The following AVP variants were observed in gnomAD, a reference collection of about 807,000 sequenced individuals.
The protein encoded by AVP is arginine vasopressin.
AVP carries 9 observed loss-of-function variants against 11.1 expected under a neutral mutation model. The ratio of observed to expected loss-of-function variants is 0.81; its 90% CI spans 0.49 to 1.42. AVP has a LOEUF of 1.42. AVP is among the 40% of genes most tolerant of loss of function. The probability of loss-of-function intolerance (pLI) is 0.00; values close to 1 mark genes in which losing one functional copy is unlikely to be tolerated. For synonymous variants in AVP, 106 were observed against 111.3 expected (o/e 0.95, Z 0.30); for missense variants, 206 against 238.5 (o/e 0.86, Z 0.90).
rs753305983 is a variant in AVP, at chr20:3,084,688, G to A, written c.-14C>T. On this transcript the variant is annotated 5_prime_UTR_variant, in exon 1 of 3. Coordinates refer to ENST00000380293, the MANE Select transcript of AVP (RefSeq NM_000490.5). Reference sequence around the variant, plus strand: ...GGTGTCAGGCATCCTGGTGCACACAGGTGGACCCCGTATGCAGCACTGCTT... The same window carrying A: ...GGTGTCAGGCATCCTGGTGCACACAAGTGGACCCCGTATGCAGCACTGCTT... 4 of 1,612,618 alleles carry A rather than the reference G, an allele frequency of 2.5e-6. No homozygotes were observed. The South Asian group carries it at 4.4e-5, about 18-fold the overall frequency.
At position 3,084,642 on chromosome 20, in the gene AVP, G is replaced by A. The variant is rs150640519; in HGVS notation, c.33C>T (p.Leu11=). 3.3e-5 allele frequency: 53 copies of A among 1,613,544 alleles called. No homozygotes were observed. Among genetic ancestry groups the A allele is most frequent in the African/African-American group, 2.5e-4 (19 of 74,948 alleles). The change falls in exon 1 of 3, where the codon CTC becomes CTT. Residue 11 remains leucine, a synonymous_variant. Transcript: ENST00000380293. MPDTMLPACF[L]GLLAFSSACY... ...ACGCGGAGGAGAAGGCCAGTAGGCC[G>A]AGGAAGCAGGCGGGCAGCATGGTGT...
At chr20:3,084,220 C>T (rs952509407) in intron 1 of AVP, among the ~76,000 whole-genome samples, 3 of 152,166 alleles carry the variant, frequency 2.0e-5, no homozygotes, top group East Asian at 1.9e-4. Context: ...GATGCAAGAA[C>T]GCCATGGGCA....
In AVP at chr20:3,084,587, TG is replaced by T; in HGVS notation, c.87del (p.Lys30ArgfsTer9). The T allele has an allele frequency of 6.2e-7, 1 of 1,613,942 alleles. No individual in the cohort carries two copies. Among genetic ancestry groups the T allele is most frequent in the Non-Finnish European group, 8.5e-7 (1 of 1,180,036 alleles). ...ACYFQNCPRG[G>X]KRAMSDLELR... ...AGCTCCAGGTCGGACATGGCCCTCT[TG>T]CCGCCCCTCGGGCAGTTCTGGAAGT... On this transcript the variant is annotated frameshift_variant, in exon 1 of 3. Transcript: ENST00000380293. LOFTEE classifies it high-confidence loss of function.
chr20:3,083,011 G>GC lies in AVP; in HGVS notation c.287dup (p.Arg97ProfsTer89). 1.3e-6 allele frequency: 2 copies of GC among 1,538,470 alleles called. No homozygotes were observed. Among genetic ancestry groups the GC allele is most frequent in the Admixed American group, 1.9e-5 (1 of 52,878 alleles). Reference sequence around the variant, plus strand: ...AGCAAACGCCGAAGGCGGCGCAGCGGCCCCCGCTCCCGCACGCCTTCTGGC... The same window carrying GC: ...AGCAAACGCCGAAGGCGGCGCAGCGGCCCCCCGCTCCCGCACGCCTTCTGGC... On this transcript the variant is annotated frameshift_variant, in exon 2 of 3. Coordinates refer to ENST00000380293, the MANE Select transcript of AVP (RefSeq NM_000490.5). LOFTEE classifies it low-confidence loss of function (END_TRUNC). This position sits in a 1 kb window ranked among gnomAD's most constrained non-coding sequence, Gnocchi z 5.4.
rs1196684809 is a variant in AVP at position 3,083,577 on chromosome 20, C to CGG, written c.121-401_121-400dup. Among the ~76,000 whole-genome samples, 1 of 152,124 alleles carries CGG rather than the reference C, an allele frequency of 6.6e-6. No individual in the cohort carries two copies. Among genetic ancestry groups the CGG allele is most frequent in the African/African-American group, 2.4e-5 (1 of 41,430 alleles). ...TCCTCGCCCTGCTGCGGCTTGAGCCCGGGCCCACCCCCTTCCCCACTACAC... is the reference window on the plus strand; with the variant it reads ...TCCTCGCCCTGCTGCGGCTTGAGCCCGGGGGCCCACCCCCTTCCCCACTACAC... On this transcript the variant is annotated intron_variant, in intron 1 of 2. Coordinates refer to ENST00000380293, the MANE Select transcript of AVP (RefSeq NM_000490.5). The surrounding 1 kb of genome is among the most constrained non-coding windows in gnomAD (Gnocchi z 5.4).
chr20:3,083,000 G>T lies in AVP; in HGVS notation c.299C>A (p.Ala100Asp). The change falls in exon 2 of 3, where the codon GCC (alanine) becomes GAC (aspartate). Residue 100 changes from alanine (A) to aspartate (D), a missense_variant. Around this residue, in one of 2 missense-constraint regions of AVP, gnomAD observed 100 missense variants for 149.3 expected, o/e 0.67. Transcript: ENST00000380293. The surrounding 1 kb of genome is among the most constrained non-coding windows in gnomAD (Gnocchi z 4.7). ...KACGSGGRCA[A>D]FGVCCNDESC... is the part of the protein sequence containing the mutation. ...ACCGTCGTTGCAGCAAACGCCGAAG[G>T]CGGCGCAGCGGCCCCCGCTCCCGCA... The T allele has an allele frequency of 6.5e-7, 1 of 1,527,260 alleles. No homozygotes were observed. The highest frequency in any genetic ancestry group is 8.7e-7 in the Non-Finnish European group (1 of 1,147,478). 94.6% of individuals were successfully genotyped at this position (1,527,260 alleles called of 1,614,324 possible). A position where few individuals can be genotyped will look rare whatever the true frequency, so the allele number is the denominator to read the frequency against.
Position 3,084,455 on chromosome 20 carries a change from G to C in AVP, c.120+100C>G, listed in dbSNP as rs2066127292. 2.5e-6 allele frequency: 4 copies of C among 1,592,752 alleles called. 1 individual carries two copies. The highest frequency in any genetic ancestry group is 3.4e-6 in the Non-Finnish European group (4 of 1,172,270). ...CTTCCTCCCCCGAACTTCCCCTAAAGGCTACCACCACCCATGACTTCCCTC... is the reference window on the plus strand; with the variant it reads ...CTTCCTCCCCCGAACTTCCCCTAAACGCTACCACCACCCATGACTTCCCTC... On this transcript the variant is annotated intron_variant, in intron 1 of 2. Coordinates refer to ENST00000380293, the MANE Select transcript of AVP (RefSeq NM_000490.5).
At position 3,084,706 on chromosome 20, in the gene AVP, C is replaced by A. The variant is rs746918406; in HGVS notation, c.-32G>T. ...GCACACAGGTGGACCCCGTATGCAG[C>A]ACTGCTTGGTGGCTCTGTGCTGCTG... On this transcript the variant is annotated 5_prime_UTR_variant, in exon 1 of 3. Transcript: ENST00000380293. 7.4e-6 allele frequency: 12 copies of A among 1,611,478 alleles called. No homozygotes were observed. In the Admixed American group the frequency reaches 2.0e-4, roughly 27 times the overall value.
intron 1 of AVP, among the ~76,000 whole-genome samples, chr20:3,084,221 G>A (rs1437305977): frequency 1.3e-5 from 2 of 152,130 alleles, no homozygotes; most frequent in African/African-American, 4.8e-5. Context: ...ATGCAAGAAC[G>A]CCATGGGCAC....
chr20:3,084,662 T>C lies in AVP; in HGVS notation c.13A>G (p.Met5Val), dbSNP rs763231365. Residue 5 changes from methionine to valine, a missense_variant, in exon 1 of 3, where the codon ATG becomes GTG. Met to Val is a conservative substitution (Grantham distance 21). This residue lies in a region of AVP where 100 missense variants were observed against 149.3 expected (regional missense o/e 0.67). Transcript: ENST00000380293. MPDT[M>V]LPACFLGLLA... ...AGGCCGAGGAAGCAGGCGGGCAGCA[T>C]GGTGTCAGGCATCCTGGTGCACACA... The C allele has an allele frequency of 4.3e-6, 7 of 1,613,288 alleles. No individual in the cohort carries two copies. Among genetic ancestry groups the C allele is most frequent in the Non-Finnish European group, 5.9e-6 (7 of 1,180,020 alleles).
rs769476067 is a variant in AVP at position 3,083,120 on chromosome 20, G to A, written c.179C>T (p.Ala60Val). ...GCCCACGAAGCAGCCCAGCTCGTCC[G>A]CGCAGCAGATGCTGGGCCCGAAGCA... is the stretch of plus-strand genomic sequence containing the variant. ...GRCFGPSICC[A>V]DELGCFVGTA... Residue 60 changes from alanine to valine, a missense_variant, in exon 2 of 3, where the codon GCG becomes GTG. Around this residue, in one of 2 missense-constraint regions of AVP, gnomAD observed 100 missense variants for 149.3 expected, o/e 0.67. Coordinates refer to ENST00000380293, the MANE Select transcript of AVP (RefSeq NM_000490.5). This position sits in a 1 kb window ranked among gnomAD's most constrained non-coding sequence, Gnocchi z 5.4. 3.3e-6 allele frequency: 5 copies of A among 1,538,320 alleles called. No homozygotes were observed. Among genetic ancestry groups the A allele is most frequent in the Middle Eastern group, 1.8e-4 (1 of 5,508 alleles).
rs1735886287 is a variant in AVP at position 3,083,305 on chromosome 20, T to G, written c.121-127A>C. ...GCGGGCGGGACACCGGGGCTGCGGC[T>G]GCAGGCACGCTCGGGCGCCACTGGG... is the stretch of plus-strand genomic sequence containing the variant. On this transcript the variant is annotated intron_variant, in intron 1 of 2. Transcript: ENST00000380293. The surrounding 1 kb of genome is among the most constrained non-coding windows in gnomAD (Gnocchi z 5.4). 6.6e-6 allele frequency: 7 copies of G among 1,058,596 alleles called. No homozygotes were observed. In the South Asian group the frequency reaches 1.5e-4, roughly 23 times the overall value. 65.6% of individuals were successfully genotyped at this position (1,058,596 alleles called of 1,614,324 possible). A position where few individuals can be genotyped will look rare whatever the true frequency, so the allele number is the denominator to read the frequency against.
intron 1 of AVP, among the ~76,000 whole-genome samples, chr20:3,084,240 C>T (rs1406430727): frequency 6.6e-6 from 1 of 152,164 alleles, no homozygotes; most frequent in Non-Finnish European, 1.5e-5. Context: ...ACAGGGGAGG[C>T]CATGATGCCC....
chr20:3,084,274 C>T (rs527666072), intron 1 of AVP, among the ~76,000 whole-genome samples: 25 of 152,308 alleles, frequency 1.6e-4, no homozygotes, highest in Admixed American at 1.5e-3. Flanking sequence ...CAGCCCCAAG[C>T]CCAGTCACCG....
chr20:3,083,264 G>A lies in AVP; in HGVS notation c.121-86C>T. Reference sequence around the variant, plus strand: ...AACGCAGCGAGGCGGGGATGCTGGGGTCCAGGGCTCGGAGTGCGGGCGGGA... The same window carrying A: ...AACGCAGCGAGGCGGGGATGCTGGGATCCAGGGCTCGGAGTGCGGGCGGGA... On this transcript the variant is annotated intron_variant, in intron 1 of 2. Coordinates refer to ENST00000380293, the MANE Select transcript of AVP (RefSeq NM_000490.5). This position sits in a 1 kb window ranked among gnomAD's most constrained non-coding sequence, Gnocchi z 5.4. 3.0e-6 allele frequency: 4 copies of A among 1,314,502 alleles called. No homozygotes were observed. Among genetic ancestry groups the A allele is most frequent in the African/African-American group, 1.5e-5 (1 of 65,012 alleles). 81.4% of individuals were successfully genotyped at this position (1,314,502 alleles called of 1,614,324 possible).
chr20:3,082,632 A>C lies in AVP; in HGVS notation c.493T>G (p.Ter165GlyextTer?), dbSNP rs971361345. 6 of 1,264,352 alleles carry C rather than the reference A, an allele frequency of 4.7e-6. No homozygotes were observed. The highest frequency in any genetic ancestry group is 6.0e-6 in the Non-Finnish European group (6 of 1,008,108). The allele number at this position is 1,264,352 out of a possible 1,614,324, so 78.3% of individuals were successfully genotyped here. A position where few individuals can be genotyped will look rare whatever the true frequency, so the allele number is the denominator to read the frequency against. ...PFEPAQPDAY[*>G] is the part of the protein sequence containing the mutation. ...CGCCGGTGGGGCGAGCGCGGGGCTC[A>C]GTAGGCGTCGGGCTGGGCGGGCTCG... Residue 165 changes from the stop codon to glycine (G), a stop_lost, in exon 3 of 3, where the codon TGA (stop) becomes GGA (glycine). Coordinates refer to ENST00000380293, the MANE Select transcript of AVP (RefSeq NM_000490.5). This position sits in a 1 kb window ranked among gnomAD's most constrained non-coding sequence, Gnocchi z 4.7.
At position 3,083,320 on chromosome 20, in the gene AVP, G is replaced by A. The variant is rs942472295; in HGVS notation, c.121-142C>T. The A allele has an allele frequency of 9.5e-5, 89 of 934,006 alleles. No individual in the cohort carries two copies. The highest frequency in any genetic ancestry group is 1.3e-4 in the Non-Finnish European group (87 of 681,190). The allele number at this position is 934,006 out of a possible 1,614,324, so 57.9% of individuals were successfully genotyped here. A position where few individuals can be genotyped will look rare whatever the true frequency, so the allele number is the denominator to read the frequency against. ...GGGCTGCGGCTGCAGGCACGCTCGG[G>A]CGCCACTGGGCCTCGACCGCGGTCA... On this transcript the variant is annotated intron_variant, in intron 1 of 2. Coordinates refer to ENST00000380293, the MANE Select transcript of AVP (RefSeq NM_000490.5). The surrounding 1 kb of genome is among the most constrained non-coding windows in gnomAD (Gnocchi z 5.4).
At position 3,082,630 on chromosome 20, in the gene AVP, T is replaced by C; in HGVS notation, c.495A>G (p.Ter165TrpextTer?). The C allele has an allele frequency of 7.9e-7, 1 of 1,263,142 alleles. No homozygotes were observed. The allele number at this position is 1,263,142 out of a possible 1,614,324, so 78.2% of individuals were successfully genotyped here. A position where few individuals can be genotyped will look rare whatever the true frequency, so the allele number is the denominator to read the frequency against. Reference protein sequence around the residue: ...PFEPAQPDAY* With the variant: ...PFEPAQPDAYW ...CGCGCCGGTGGGGCGAGCGCGGGGC[T>C]CAGTAGGCGTCGGGCTGGGCGGGCT... Residue 165 changes from the stop codon to tryptophan, a stop_lost, in exon 3 of 3, where the codon TGA becomes TGG. Transcript: ENST00000380293. The surrounding 1 kb of genome is among the most constrained non-coding windows in gnomAD (Gnocchi z 4.7).
Position 3,083,315 on chromosome 20 carries a change from C to G in AVP, c.121-137G>C. The G allele has an allele frequency of 1.0e-6, 1 of 1,000,588 alleles. No individual in the cohort carries two copies. Among genetic ancestry groups the G allele is most frequent in the East Asian group, 3.3e-5 (1 of 30,456 alleles). 62.0% of individuals were successfully genotyped at this position (1,000,588 alleles called of 1,614,324 possible). ...CACCGGGGCTGCGGCTGCAGGCACG[C>G]TCGGGCGCCACTGGGCCTCGACCGC... is the stretch of plus-strand genomic sequence containing the variant. On this transcript the variant is annotated intron_variant, in intron 1 of 2. Transcript: ENST00000380293. This position sits in a 1 kb window ranked among gnomAD's most constrained non-coding sequence, Gnocchi z 5.4.
Sources: allele counts gnomAD v4.1 joint callset (sites outside exome capture counted in the v4.1 genomes callset), GRCh38; gene constraint gnomAD v4.1.1; regional missense constraint gnomAD v4.1.1; non-coding constraint Gnocchi (gnomAD v3.1); transcripts MANE v1.5; gene names NCBI Gene and HGNC (gene_info 2026-07-23, HGNC 2026-07-21).